FAM83D: variants seen among roughly 807,000 people sequenced by gnomAD.
FAM83D encodes protein FAM83D.
A neutral mutation model predicts 25.4 loss-of-function variants in FAM83D; 26 were observed. That is an observed-to-expected ratio of 1.02 (90% CI 0.75 to 1.42). The LOEUF is 1.42. Ranked by LOEUF, FAM83D falls within the 40% of genes most tolerant of loss-of-function variation. FAM83D has a pLI of 0.00. For missense variants in FAM83D, 740 were observed against 758.1 expected (o/e 0.98, Z 0.28); for synonymous variants, 310 against 318.5 (o/e 0.97, Z 0.28).
chr20:38,940,497 T>G (rs1267665853), intron 1 of FAM83D, among the ~76,000 whole-genome samples: 5 of 152,018 alleles, frequency 3.3e-5, no homozygotes, highest in African/African-American at 1.2e-4. Context: ...GGAGAAGGAG[T>G]GAAACCCATA....
At chr20:38,950,323 G>A (rs745357867) in intron 3 of FAM83D, among the ~76,000 whole-genome samples, 12 of 152,340 alleles carry the variant, frequency 7.9e-5, no homozygotes, top group Middle Eastern at 3.4e-3. Context: ...ACTCTGGCCA[G>A]TGTGGACCAC....
Position 38,952,119 on chromosome 20 carries a change from C to A in FAM83D, c.1357C>A (p.Pro453Thr), listed in dbSNP as rs1191531835. ...QTDMDENILF[P>T]RGTQSTEGSP... ...TGACATGGATGAGAACATTCTCTTT[C>A]CTCGAGGAACTCAATCTACAGAAGG... The change falls in exon 4 of 4, where the codon CCT becomes ACT. Residue 453 changes from proline to threonine, a missense_variant. Pro to Thr is a conservative substitution (Grantham distance 38, BLOSUM62 -1). Transcript: ENST00000619850. 7 of 1,614,212 alleles carry A rather than the reference C, an allele frequency of 4.3e-6. No homozygotes were observed. Among genetic ancestry groups the A allele is most frequent in the Non-Finnish European group, 5.9e-6 (7 of 1,180,036 alleles).
intron 1 of FAM83D, among the ~76,000 whole-genome samples, chr20:38,936,123 T>A (rs1189513361): frequency 6.6e-6 from 1 of 152,142 alleles, no homozygotes; most frequent in Non-Finnish European, 1.5e-5. Context: ...GTTGCACACC[T>A]GACCTCACTT....
chr20:38,930,658 T>C (rs1009458419), intron 1 of FAM83D, among the ~76,000 whole-genome samples: 3 of 151,934 alleles, frequency 2.0e-5, no homozygotes, highest in Non-Finnish European at 4.4e-5. Flanking sequence ...TTTTTTCTTT[T>C]TTTTTTTGGA....
chr20:38,931,840 G>C (rs150489857), intron 1 of FAM83D, among the ~76,000 whole-genome samples: 14 of 152,338 alleles, frequency 9.2e-5, no homozygotes, highest in Non-Finnish European at 2.1e-4. Context: ...ATACTGTAGG[G>C]GCCTATTATG....
intron 1 of FAM83D, among the ~76,000 whole-genome samples, chr20:38,928,803 A>G (rs1490164807): frequency 6.6e-6 from 1 of 152,146 alleles, no homozygotes; most frequent in African/African-American, 2.4e-5. Flanking sequence ...GCCCTAGTCT[A>G]GCTACCCACA....
In FAM83D at chr20:38,952,816, G is replaced by T; in HGVS notation, c.*296G>T. On this transcript the variant is annotated 3_prime_UTR_variant, in exon 4 of 4. Transcript: ENST00000619850. ...GTCAATGACAGACCACGTATATGTTGGCAGTCTCATAAGATTATAATACTG... is the reference window on the plus strand; with the variant it reads ...GTCAATGACAGACCACGTATATGTTTGCAGTCTCATAAGATTATAATACTG... The T allele has an allele frequency of 5.1e-6, 2 of 393,674 alleles. No individual in the cohort carries two copies. Among genetic ancestry groups the T allele is most frequent in the Non-Finnish European group, 4.6e-6 (1 of 218,766 alleles). The allele number at this position is 393,674 out of a possible 1,614,324, so 24.4% of individuals were successfully genotyped here.
chr20:38,927,924 G>T (rs1399689270), intron 1 of FAM83D, among the ~76,000 whole-genome samples: 1 of 152,224 alleles, frequency 6.6e-6, no homozygotes, highest in East Asian at 1.9e-4. Context: ...GCATTAGATC[G>T]GCTTCTGTAT....
At chr20:38,926,956 C>G (rs2085638698) in intron 1 of FAM83D, 31 bp downstream of exon 1, 2 of 1,408,486 alleles carry the variant, frequency 1.4e-6, no homozygotes, top group East Asian at 2.8e-5. Flanking sequence ...CTGGGTCGCA[C>G]GGGAGACCCC....
intron 1 of FAM83D, among the ~76,000 whole-genome samples, chr20:38,940,444 G>C (rs1218814594): frequency 6.6e-6 from 1 of 152,122 alleles, no homozygotes; most frequent in African/African-American, 2.4e-5. Context: ...AGTCCTCTGG[G>C]ACCACAGAAA....
chr20:38,942,201 G>A (rs774298824), intron 2 of FAM83D, 75 bp downstream of exon 2: 14 of 1,512,058 alleles, frequency 9.3e-6, no homozygotes, highest in East Asian at 4.5e-5. Flanking sequence ...CAAGCTGGCT[G>A]GTGGCGGTAT....
intron 1 of FAM83D, among the ~76,000 whole-genome samples, chr20:38,941,261 C>T (rs1358833699): frequency 6.6e-6 from 1 of 152,192 alleles, no homozygotes; most frequent in African/African-American, 2.4e-5. Context: ...ACCTGCCCAA[C>T]AGACAGCTGA....
Position 38,951,857 on chromosome 20 carries a change from C to T in FAM83D, c.1095C>T (p.Ser365=). The T allele has an allele frequency of 1.9e-6, 3 of 1,614,226 alleles. No homozygotes were observed. Among genetic ancestry groups the T allele is most frequent in the Non-Finnish European group, 2.5e-6 (3 of 1,180,042 alleles). Reference sequence around the variant, plus strand: ...AGCGCAAGCCCCATGACTGTGAGTCCTCTACTGTTAGTGAGGAAGACTACT... The same window carrying T: ...AGCGCAAGCCCCATGACTGTGAGTCTTCTACTGTTAGTGAGGAAGACTACT... ...KAERKPHDCE[S]STVSEEDYFS... Residue 365 remains serine, a synonymous_variant, in exon 4 of 4, where the codon TCC becomes TCT. Coordinates refer to ENST00000619850, the MANE Select transcript of FAM83D (RefSeq NM_030919.3).
intron 1 of FAM83D, among the ~76,000 whole-genome samples, 158 bp downstream of exon 1, chr20:38,927,083 C>T (rs927985527): frequency 6.6e-6 from 1 of 152,206 alleles, no homozygotes; most frequent in Non-Finnish European, 1.5e-5. Context: ...ACTCACACCC[C>T]ACTCTGCGTG....
Position 38,952,304 on chromosome 20 carries a change from C to G in FAM83D, c.1542C>G (p.Pro514=), listed in dbSNP as rs200833170. The change falls in exon 4 of 4, where the codon CCC becomes CCG. Residue 514 remains proline, a synonymous_variant. Transcript: ENST00000619850. Reference sequence around the variant, plus strand: ...GCTATCCCAAGTACCTGGGCACCCCCCACCTGGAACTGTACTTGAGTGACT... The same window carrying G: ...GCTATCCCAAGTACCTGGGCACCCCGCACCTGGAACTGTACTTGAGTGACT... ...NPGYPKYLGT[P]HLELYLSDSL... is the part of the protein sequence containing the mutation. 2 of 1,614,102 alleles carry G rather than the reference C, an allele frequency of 1.2e-6. No individual in the cohort carries two copies. Among genetic ancestry groups the G allele is most frequent in the Non-Finnish European group, 1.7e-6 (2 of 1,180,008 alleles).
At chr20:38,948,867 G>A (rs2085740877) in intron 3 of FAM83D, among the ~76,000 whole-genome samples, 1 of 152,168 alleles carries the variant, frequency 6.6e-6, no homozygotes. Flanking sequence ...TACCCTCATT[G>A]CTCAGAACAA....
chr20:38,950,242 G>A (rs1223833889), intron 3 of FAM83D, among the ~76,000 whole-genome samples: 1 of 152,180 alleles, frequency 6.6e-6, no homozygotes, highest in African/African-American at 2.4e-5. Flanking sequence ...AGAAATCTCT[G>A]AAAACTTACT....
chr20:38,944,831 T>C (rs1179258554), intron 2 of FAM83D, among the ~76,000 whole-genome samples: 1 of 151,066 alleles, frequency 6.6e-6, no homozygotes, highest in Admixed American at 6.6e-5. Flanking sequence ...CCCAGCTACT[T>C]GGGAGGCTGA....
chr20:38,942,883 G>A (rs2085708824), intron 2 of FAM83D, among the ~76,000 whole-genome samples: 2 of 152,262 alleles, frequency 1.3e-5, no homozygotes, highest in South Asian at 2.1e-4. Flanking sequence ...TCTTAATAGA[G>A]CCTGGACCAG....
Sources: gnomAD v4.1 joint callset for allele counts (sites outside exome capture counted in the v4.1 genomes callset) on GRCh38, gnomAD v4.1.1 for gene constraint, MANE v1.5 for transcripts, NCBI Gene and HGNC (gene_info 2026-07-23, HGNC 2026-07-21) for gene names.